STIL: variants seen among roughly 807,000 people sequenced by gnomAD.
The protein encoded by STIL is STIL centriolar assembly protein.
In STIL, 55 loss-of-function variants were observed where a neutral mutation model predicts 110.1. That is an observed-to-expected ratio of 0.50 (90% CI 0.40 to 0.63). The LOEUF is 0.63. Ranked by LOEUF, STIL falls within the 20% of genes least tolerant of loss-of-function variation. The probability of loss-of-function intolerance (pLI) is 0.00; values close to 1 mark genes in which losing one functional copy is unlikely to be tolerated. For synonymous variants in STIL, 481 were observed against 530.0 expected (o/e 0.91, Z 1.27); for missense variants, 1,358 against 1,530.0 (o/e 0.89, Z 1.87).
Position 47,253,141 on chromosome 1 carries a change from T to C in STIL, c.3081-1219A>G, listed in dbSNP as rs12137574. 2.7e-3 allele frequency among the ~76,000 whole-genome samples: 409 copies of C among 152,374 alleles called. 5 individuals are homozygous for C. The highest frequency in any genetic ancestry group is 6.8e-3 in the Middle Eastern group (2 of 294). On this transcript the variant is annotated intron_variant, in intron 16 of 16. Coordinates refer to ENST00000371877, the MANE Select transcript of STIL (RefSeq NM_001048166.1). Reference sequence around the variant, plus strand: ...CTGCTAATTACTGAGTCGTTATATATGCCAGGTACTCTATTAATGCTTTAC... The same window carrying C: ...CTGCTAATTACTGAGTCGTTATATACGCCAGGTACTCTATTAATGCTTTAC...
chr1:47,272,023 A>G, intron 13 of STIL, 53 bp downstream of exon 13: 10 of 1,586,656 alleles, frequency 6.3e-6, no homozygotes, highest in Non-Finnish European at 8.6e-6. Context: ...AAAACCAGAT[A>G]TGAAAAGCAT....
At chr1:47,294,842 T>C (rs1645595821) in intron 7 of STIL, among the ~76,000 whole-genome samples, 1 of 152,248 alleles carries the variant, frequency 6.6e-6, no homozygotes, top group Non-Finnish European at 1.5e-5. Context: ...TTAGGGTGAC[T>C]TAAGGATGAG....
rs61782704 is a variant in STIL at position 47,263,626 on chromosome 1, A to G, written c.2616-510T>C. 4.6e-3 allele frequency among the ~76,000 whole-genome samples: 703 copies of G among 152,064 alleles called. 4 individuals carry two copies. Among genetic ancestry groups the G allele is most frequent in the Non-Finnish European group, 7.4e-3 (505 of 68,006 alleles). On this transcript the variant is annotated intron_variant, in intron 14 of 16. Coordinates refer to ENST00000371877, the MANE Select transcript of STIL (RefSeq NM_001048166.1). ...GTACCTTTTAACTTGTGTTACTTATATTTAAGACAACTTTCTTTGAAGCCT... is the reference window on the plus strand; with the variant it reads ...GTACCTTTTAACTTGTGTTACTTATGTTTAAGACAACTTTCTTTGAAGCCT...
At chr1:47,293,819 T>G (rs1645565121) in intron 7 of STIL, among the ~76,000 whole-genome samples, 1 of 152,150 alleles carries the variant, frequency 6.6e-6, no homozygotes, top group South Asian at 2.1e-4. Context: ...CTCTGTCCTC[T>G]TTTACCTGAG....
At chr1:47,258,922 T>C (rs918858114) in intron 16 of STIL, among the ~76,000 whole-genome samples, 1 of 149,612 alleles carries the variant, frequency 6.7e-6, no homozygotes, top group Non-Finnish European at 1.5e-5. Flanking sequence ...GCTTATCACA[T>C]ACACATATAC....
chr1:47,298,765 A>C (rs747081246), intron 6 of STIL, among the ~76,000 whole-genome samples: 1 of 151,818 alleles, frequency 6.6e-6, no homozygotes, highest in Non-Finnish European at 1.5e-5. Flanking sequence ...TTTTTTTGAG[A>C]CAGAGTCTCG....
intron 16 of STIL, among the ~76,000 whole-genome samples, chr1:47,253,740 C>T (rs563002404): frequency 6.6e-6 from 1 of 152,296 alleles, no homozygotes; most frequent in Middle Eastern, 3.4e-3. Flanking sequence ...TGGCTTTCTA[C>T]ATCATCCCAT....
At chr1:47,257,408 T>G (rs1644358885) in intron 16 of STIL, among the ~76,000 whole-genome samples, 1 of 152,162 alleles carries the variant, frequency 6.6e-6, no homozygotes, top group Admixed American at 6.5e-5. Flanking sequence ...GCAGGAGGAT[T>G]GGCTTCAGCC....
chr1:47,269,926 G>A, intron 13 of STIL, 60 bp from the exon 14 acceptor site: 1 of 1,494,122 alleles, frequency 6.7e-7, no homozygotes, highest in South Asian at 1.1e-5. Context: ...ATAATACTCT[G>A]CCAAACCTTT....
Position 47,251,760 on chromosome 1 carries a change from C to T in STIL, c.3243G>A (p.Leu1081=), listed in dbSNP as rs753617993. 3.1e-6 allele frequency: 5 copies of T among 1,613,702 alleles called. No homozygotes were observed. Among genetic ancestry groups the T allele is most frequent in the Non-Finnish European group, 4.2e-6 (5 of 1,179,886 alleles). ...TATTTTGGTTCGATCGAGTGACAGA[C>T]AGTTGTGACAGCTGATTTTCATTTA... The part of the protein sequence containing the change: ...KYLNENQLSQ[L]SVTRSNQNNC... Residue 1081 remains leucine (L), a synonymous_variant, in exon 17 of 17, where the codon CTG becomes CTA. Transcript: ENST00000371877.
chr1:47,290,996 G>A (rs1316970004), intron 8 of STIL, among the ~76,000 whole-genome samples: 1 of 152,124 alleles, frequency 6.6e-6, no homozygotes, highest in East Asian at 1.9e-4. Flanking sequence ...CCTTTGCCTA[G>A]GACAGTGCCC....
At chr1:47,309,052 C>CAA (rs879818960) in intron 2 of STIL, among the ~76,000 whole-genome samples, 1 of 113,354 alleles carries the variant, frequency 8.8e-6, no homozygotes, top group Non-Finnish European at 1.8e-5. Context: ...ACTCTGTCTC[C>CAA]AAAAAAAAAA....
intron 1 of STIL, chr1:47,313,089 C>G (rs1049550980): frequency 6.6e-6 from 1 of 152,128 alleles, no homozygotes; most frequent in African/African-American, 2.4e-5. Context: ...TTTGGGAGGC[C>G]GAGGCGGGTG....
intron 13 of STIL, 33 bp downstream of exon 13, chr1:47,272,043 T>C (rs949742610): frequency 6.2e-7 from 1 of 1,607,876 alleles, no homozygotes; most frequent in Non-Finnish European, 8.5e-7. Flanking sequence ...TTTTTAACAA[T>C]TTCCTTACAA....
chr1:47,277,033 C>T (rs567330143), intron 12 of STIL, among the ~76,000 whole-genome samples: 5 of 152,074 alleles, frequency 3.3e-5, no homozygotes, highest in Admixed American at 1.3e-4. Context: ...TATTAAGCAA[C>T]GATTACACAT....
At position 47,251,613 on chromosome 1, in the gene STIL, T is replaced by A; in HGVS notation, c.3390A>T (p.Leu1130=). ...TKKYMKRYGL[L]QSSDNSEDEE... ...CATCTTCACTATTGTCACTGCTTTGTAGGAGTCCATATCTCTTCATATATT... is the reference window on the plus strand; with the variant it reads ...CATCTTCACTATTGTCACTGCTTTGAAGGAGTCCATATCTCTTCATATATT... The change falls in exon 17 of 17, where the codon CTA becomes CTT. Residue 1130 remains leucine (L), a synonymous_variant. Transcript: ENST00000371877. 2.5e-6 allele frequency: 4 copies of A among 1,614,118 alleles called. No homozygotes were observed. Among genetic ancestry groups the A allele is most frequent in the Non-Finnish European group, 3.4e-6 (4 of 1,180,008 alleles).
intron 16 of STIL, among the ~76,000 whole-genome samples, chr1:47,257,082 T>C (rs761516121): frequency 4.0e-5 from 6 of 149,906 alleles, no homozygotes; most frequent in Non-Finnish European, 8.9e-5. Flanking sequence ...AGCAGAAAGG[T>C]AAAAAAAAAG....
At chr1:47,296,225 T>C (rs1313727149) in intron 6 of STIL, among the ~76,000 whole-genome samples, 3 of 152,094 alleles carry the variant, frequency 2.0e-5, no homozygotes, top group Non-Finnish European at 4.4e-5. Flanking sequence ...CACTAGAAAA[T>C]GTTCATGCAT....
chr1:47,252,143 C>G (rs1353110829), intron 16 of STIL, among the ~76,000 whole-genome samples: 1 of 152,140 alleles, frequency 6.6e-6, no homozygotes, highest in Non-Finnish European at 1.5e-5. Context: ...CAGATTGGGG[C>G]ACTGAGGTGG....
Sources: gnomAD v4.1 joint callset for allele counts (sites outside exome capture counted in the v4.1 genomes callset) on GRCh38, gnomAD v4.1.1 for gene constraint, MANE v1.5 for transcripts, NCBI Gene and HGNC (gene_info 2026-07-23, HGNC 2026-07-21) for gene names.